SNRPN: variants seen among roughly 807,000 people sequenced by gnomAD.
The protein encoded by SNRPN is small nuclear ribonucleoprotein-associated protein N.
SNRPN carries 7 observed loss-of-function variants against 25.2 expected under a neutral mutation model. The ratio of observed to expected loss-of-function variants is 0.28; its 90% confidence interval spans 0.16 to 0.52. SNRPN has a LOEUF of 0.52. Among genes scored for constraint, SNRPN ranks in the 20% least tolerant of loss-of-function variants. The pLI is 0.96. For missense variants in SNRPN, 196 were observed against 322.5 expected, an observed-to-expected ratio of 0.61 and a Z score of 3.00; for synonymous variants, 124 against 110.6, an observed-to-expected ratio of 1.12 and a Z score of -0.76.
At chr15:24,838,664 G>A (rs1238092876) in intron 2 of SNRPN, among the ~76,000 whole-genome samples, 1 of 152,014 alleles carries the variant, frequency 6.6e-6, no homozygotes, top group East Asian at 1.9e-4. Context: ...TACTTCTGCT[G>A]GCACCCAAAG....
chr15:24,827,842 G>C (rs1040457106), intron 1 of SNRPN, among the ~76,000 whole-genome samples: 1 of 147,630 alleles, frequency 6.8e-6, no homozygotes, highest in African/African-American at 2.5e-5. Context: ...ACTCCAGACT[G>C]GGTGACAAAG....
In SNRPN at chr15:24,974,967, CAATAGA is replaced by C. The variant is rs1283751971; in HGVS notation, c.4-386_4-381del. 4.3e-6 allele frequency: 3 copies of C among 702,844 alleles called. No homozygotes were observed. The East Asian group carries it at 8.0e-5, about 19-fold the overall frequency. 43.5% of individuals were successfully genotyped at this position (702,844 alleles called of 1,614,324 possible). A position where few individuals can be genotyped will look rare whatever the true frequency, so the allele number is the denominator to read the frequency against. Reference sequence around the variant, plus strand: ...GATGATGGACTCTCAGGTCAGATTACAATAGAAATAAAGAGGGCTTTGAAAATGGAA... The same window carrying C: ...GATGATGGACTCTCAGGTCAGATTACAATAAAGAGGGCTTTGAAAATGGAA... On this transcript the variant is annotated intron_variant, in intron 4 of 9. Transcript: ENST00000390687.
At chr15:24,881,031 C>T (rs1037256958) in intron 1 of SNRPN, among the ~76,000 whole-genome samples, 5 of 152,006 alleles carry the variant, frequency 3.3e-5, no homozygotes, top group Admixed American at 1.3e-4. Flanking sequence ...TGAATAATGA[C>T]GGTCCATGCA....
intron 3 of SNRPN, among the ~76,000 whole-genome samples, chr15:24,943,859 T>C (rs2061716670): frequency 6.6e-6 from 1 of 152,144 alleles, no homozygotes. Context: ...TCTCGCCCTG[T>C]TTCCCAGGCT....
intron 1 of SNRPN, among the ~76,000 whole-genome samples, chr15:24,960,226 C>T (rs975374343): frequency 6.6e-6 from 1 of 152,154 alleles, no homozygotes; most frequent in Admixed American, 6.5e-5. Context: ...ATGTTACTTT[C>T]ATGATTAACA....
At chr15:24,968,120 C>G in intron 3 of SNRPN, 38 bp downstream of exon 3, 1 of 1,233,734 alleles carries the variant, frequency 8.1e-7, no homozygotes, top group South Asian at 1.2e-5. Context: ...AATAAAGAAT[C>G]ATTAAAGAAT....
chr15:24,965,913 A>T (rs2075559670), intron 2 of SNRPN, among the ~76,000 whole-genome samples: 1 of 145,170 alleles, frequency 6.9e-6, no homozygotes, highest in Non-Finnish European at 1.5e-5. Flanking sequence ...TATGAATAAT[A>T]ATCAGAAACT....
At chr15:24,831,317 T>C (rs778178824) in intron 2 of SNRPN, among the ~76,000 whole-genome samples, 3 of 152,044 alleles carry the variant, frequency 2.0e-5, no homozygotes, top group Non-Finnish European at 2.9e-5. Context: ...ATATGTACTT[T>C]TACTTTTTTT....
At chr15:24,868,127 A>ATATATATG (rs1300794553) in intron 1 of SNRPN, among the ~76,000 whole-genome samples, 1 of 150,452 alleles carries the variant, frequency 6.6e-6, no homozygotes, top group Non-Finnish European at 1.5e-5. Flanking sequence ...GTGTGTATAT[A>ATATATATG]TATATATATA....
chr15:24,866,423 G>GA (rs2054577568), intron 1 of SNRPN, among the ~76,000 whole-genome samples: 1 of 151,974 alleles, frequency 6.6e-6, no homozygotes, highest in Non-Finnish European at 1.5e-5. Flanking sequence ...AATAGACACA[G>GA]GCTCTCGCTC....
chr15:24,944,251 T>C (rs2061743358), intron 3 of SNRPN, among the ~76,000 whole-genome samples: 1 of 152,212 alleles, frequency 6.6e-6, no homozygotes, highest in Non-Finnish European at 1.5e-5. Context: ...GTCATTAATG[T>C]AGCACATGAG....
intron 3 of SNRPN, among the ~76,000 whole-genome samples, chr15:24,949,506 C>G (rs1388903305): frequency 6.6e-6 from 1 of 151,956 alleles, no homozygotes; most frequent in Admixed American, 6.6e-5. Flanking sequence ...AAAAAATTAC[C>G]TGGGCATGGT....
chr15:24,886,650 G>C (rs775570642), intron 2 of SNRPN: 1 of 60,884 alleles, frequency 1.6e-5, no homozygotes, highest in African/African-American at 6.8e-5. Context: ...TCAGTGTCAG[G>C]CTTTACCATT....
At chr15:24,825,645 A>G (rs1172360051) in intron 1 of SNRPN, among the ~76,000 whole-genome samples, 1 of 152,122 alleles carries the variant, frequency 6.6e-6, no homozygotes, top group Non-Finnish European at 1.5e-5. Flanking sequence ...CTTACTGAAC[A>G]TCATACTTTA....
chr15:24,962,239 C>A lies in SNRPN; in HGVS notation c.-295+30C>A, dbSNP rs775243777. 1.9e-6 allele frequency: 3 copies of A among 1,564,708 alleles called. No homozygotes were observed. The African/African-American group carries it at 4.1e-5, about 21-fold the overall frequency. ...GTACAGACTGTGTTGGGAACAAATG[C>A]AAGTCAGAATCTCCTTTCAGATTAG... On this transcript the variant is annotated intron_variant, in intron 2 of 9. Transcript: ENST00000390687.
intron 1 of SNRPN, among the ~76,000 whole-genome samples, chr15:24,858,037 A>G (rs1024072201): frequency 6.6e-6 from 1 of 152,154 alleles, no homozygotes; most frequent in Non-Finnish European, 1.5e-5. Context: ...CAGCTGATCC[A>G]TCGGGAGCAG....
intron 2 of SNRPN, chr15:24,909,051 T>C (rs1704104760): frequency 1.4e-6 from 2 of 1,421,342 alleles, no homozygotes; most frequent in South Asian, 2.3e-5. Context: ...ACTTCTTTCT[T>C]GGGCTTATTT....
chr15:24,927,296 AT>A (rs2060448242), intron 3 of SNRPN, among the ~76,000 whole-genome samples: 1 of 151,536 alleles, frequency 6.6e-6, no homozygotes, highest in African/African-American at 2.4e-5. Flanking sequence ...AATTTTTAAA[AT>A]TTTTTATAGA....
intron 3 of SNRPN, among the ~76,000 whole-genome samples, chr15:24,921,531 G>C (rs2060022164): frequency 6.6e-6 from 1 of 152,166 alleles, no homozygotes; most frequent in African/African-American, 2.4e-5. Context: ...GCAATATGTA[G>C]GGTCAGGTTC....
Sources: allele counts gnomAD v4.1 joint callset (sites outside exome capture counted in the v4.1 genomes callset), GRCh38; gene constraint gnomAD v4.1.1; transcripts MANE v1.5; gene names NCBI Gene and HGNC (gene_info 2026-07-23, HGNC 2026-07-21).